Variants in MAD1L1 observed in about 807,000 individuals in gnomAD.
MAD1L1 encodes mitotic arrest deficient 1 like 1, also known as mitotic spindle assembly checkpoint protein MAD1.
MAD1L1 carries 95 observed loss-of-function variants against 96.9 expected under a neutral mutation model. That is an observed-to-expected ratio of 0.98 (90% CI 0.83 to 1.16). The LOEUF is 1.16. MAD1L1 is among the 50% of genes most tolerant of loss of function. The pLI is 0.00. For synonymous variants in MAD1L1, 473 were observed against 396.6 expected, an observed-to-expected ratio of 1.19 and a Z score of -2.29; for missense variants, 1,007 against 954.4, an observed-to-expected ratio of 1.06 and a Z score of -0.73.
intron 11 of MAD1L1, among the ~76,000 whole-genome samples, chr7:2,084,732 G>A (rs1048390810): frequency 2.6e-5 from 4 of 152,186 alleles, no homozygotes; most frequent in African/African-American, 9.7e-5. Context: ...ACGTCCTGAT[G>A]TCCGGCCCCA....
At chr7:2,052,643 G>T (rs1045775859) in intron 12 of MAD1L1, among the ~76,000 whole-genome samples, 1 of 152,196 alleles carries the variant, frequency 6.6e-6, no homozygotes, top group Non-Finnish European at 1.5e-5. Flanking sequence ...ATTGGCCGCA[G>T]GTCATACCTA....
intron 16 of MAD1L1, among the ~76,000 whole-genome samples, chr7:1,939,314 TACACACAC>T (rs896122691): frequency 8.8e-6 from 1 of 114,278 alleles, no homozygotes; most frequent in East Asian, 2.9e-4. Flanking sequence ...CGCACACACA[TACACACAC>T]ACATACACAC....
rs574791627 is a variant in MAD1L1 at position 1,982,438 on chromosome 7, A to T, written c.1417-1897T>A. 2.7e-3 allele frequency among the ~76,000 whole-genome samples: 405 copies of T among 152,204 alleles called. 2 individuals carry two copies. The highest frequency in any genetic ancestry group is 9.2e-3 in the African/African-American group (383 of 41,524). On this transcript the variant is annotated intron_variant, in intron 14 of 18. Transcript: ENST00000265854. ...TGGTGAGGCTGGTCCCGATCTCCTG[A>T]CCTCAAGTGATCCACCTGCCTCAGC...
chr7:2,052,655 C>T (rs1372460694), intron 12 of MAD1L1, among the ~76,000 whole-genome samples: 1 of 152,196 alleles, frequency 6.6e-6, no homozygotes, highest in Non-Finnish European at 1.5e-5. Context: ...TCATACCTAT[C>T]CTTTTTAAAC....
intron 11 of MAD1L1, among the ~76,000 whole-genome samples, chr7:2,076,956 C>T (rs923030679): frequency 3.3e-5 from 5 of 151,036 alleles, no homozygotes; most frequent in Non-Finnish European, 7.4e-5. Context: ...AGTGAGCCCG[C>T]GGCACGGTGA....
intron 18 of MAD1L1, among the ~76,000 whole-genome samples, chr7:1,896,121 G>A (rs920853213): frequency 7.9e-5 from 12 of 152,198 alleles, no homozygotes; most frequent in African/African-American, 2.4e-4. Context: ...TGGGCTCTCT[G>A]TCCGCCTGCC....
chr7:1,949,730 C>T (rs1456849438), intron 16 of MAD1L1, among the ~76,000 whole-genome samples: 1 of 152,228 alleles, frequency 6.6e-6, no homozygotes, highest in Non-Finnish European at 1.5e-5. Context: ...GACATCGGTC[C>T]CTTGGACGCA....
chr7:2,091,692 C>T (rs578143206), intron 11 of MAD1L1, among the ~76,000 whole-genome samples: 3 of 151,634 alleles, frequency 2.0e-5, no homozygotes, highest in South Asian at 2.1e-4. Flanking sequence ...AGAAGAATGG[C>T]GTGAACCCAG....
chr7:1,933,836 T>C (rs962842640), intron 17 of MAD1L1, among the ~76,000 whole-genome samples: 13 of 152,178 alleles, frequency 8.5e-5, no homozygotes, highest in African/African-American at 2.7e-4. Flanking sequence ...AGATCCACTG[T>C]GCTTCAGTCA....
At chr7:1,901,046 G>A (rs1314295013) in intron 17 of MAD1L1, among the ~76,000 whole-genome samples, 1 of 152,132 alleles carries the variant, frequency 6.6e-6, no homozygotes, top group East Asian at 1.9e-4. Flanking sequence ...TGGAGGGGAA[G>A]GGTCCATCCT....
chr7:2,030,022 C>A (rs1475142407), intron 12 of MAD1L1, among the ~76,000 whole-genome samples: 4 of 152,216 alleles, frequency 2.6e-5, no homozygotes, highest in African/African-American at 4.8e-5. Context: ...CCCTCCTACA[C>A]AGTCCTGTGG....
intron 11 of MAD1L1, among the ~76,000 whole-genome samples, chr7:2,082,991 G>A (rs1785729403): frequency 6.6e-6 from 1 of 152,204 alleles, no homozygotes; most frequent in Non-Finnish European, 1.5e-5. Context: ...CGCGCTGCAG[G>A]GAGAGCTCCC....
chr7:1,997,751 C>T (rs1781621015), intron 14 of MAD1L1, among the ~76,000 whole-genome samples: 1 of 152,240 alleles, frequency 6.6e-6, no homozygotes, highest in South Asian at 2.1e-4. Context: ...TTCAGGCATG[C>T]CTGGCAGGGG....
At chr7:2,001,799 G>A (rs1411292404) in intron 14 of MAD1L1, among the ~76,000 whole-genome samples, 1 of 152,238 alleles carries the variant, frequency 6.6e-6, no homozygotes, top group Non-Finnish European at 1.5e-5. Flanking sequence ...GTGGCCTCAT[G>A]CGGCAAACAT....
intron 11 of MAD1L1, among the ~76,000 whole-genome samples, chr7:2,079,380 A>G (rs2128537246): frequency 6.6e-6 from 1 of 152,354 alleles, no homozygotes; most frequent in African/African-American, 2.4e-5. Context: ...AAATCCAAAC[A>G]GCGGAAACAA....
At chr7:2,036,903 C>T (rs1424122794) in intron 12 of MAD1L1, among the ~76,000 whole-genome samples, 2 of 152,144 alleles carry the variant, frequency 1.3e-5, no homozygotes, top group Non-Finnish European at 2.9e-5. Flanking sequence ...CCACTCATAC[C>T]CACCAACGCG....
intron 13 of MAD1L1, among the ~76,000 whole-genome samples, chr7:2,005,483 G>C (rs1781993201): frequency 6.6e-6 from 1 of 152,204 alleles, no homozygotes; most frequent in Admixed American, 6.5e-5. Context: ...GGGAGGAAAA[G>C]AAGGACGGTT....
At chr7:1,864,123 G>A (rs747672648) in intron 18 of MAD1L1, among the ~76,000 whole-genome samples, 1 of 152,238 alleles carries the variant, frequency 6.6e-6, no homozygotes, top group Non-Finnish European at 1.5e-5. Flanking sequence ...GGGCGGCCCT[G>A]CGGAGGAATT....
At chr7:1,969,530 C>G (rs780724670) in intron 15 of MAD1L1, among the ~76,000 whole-genome samples, 2 of 152,132 alleles carry the variant, frequency 1.3e-5, no homozygotes, top group East Asian at 3.8e-4. Flanking sequence ...AACAATTAGT[C>G]AAGAAAAAGA....
Sources: allele counts gnomAD v4.1 joint callset (sites outside exome capture counted in the v4.1 genomes callset), GRCh38; gene constraint gnomAD v4.1.1; transcripts MANE v1.5; gene names NCBI Gene and HGNC (gene_info 2026-07-23, HGNC 2026-07-21).